USP7: variants seen among roughly 807,000 people sequenced by gnomAD.
USP7 encodes ubiquitin C-terminal hydrolase 7.
A neutral mutation model predicts 162.9 loss-of-function variants in USP7; 9 were observed. That is an observed-to-expected ratio of 0.06 (90% CI 0.03 to 0.10). The LOEUF (loss-of-function observed/expected upper bound fraction) is 0.10, where lower values mean the gene tolerates loss of function less well. Ranked by LOEUF, USP7 falls within the 10% of genes least tolerant of loss-of-function variation. USP7 has a pLI of 1.00. For missense variants in USP7, 715 were observed against 1,373.7 expected (o/e 0.52, Z 7.58); for synonymous variants, 562 against 475.9 (o/e 1.18, Z -2.35).
chr16:8,963,359 C>CGGGGCG lies in USP7; in HGVS notation c.-80_-75dup, dbSNP rs970074003. 8.7e-5 allele frequency: 43 copies of CGGGGCG among 496,342 alleles called. No homozygotes were observed. In the African/African-American group the frequency reaches 9.3e-4, roughly 11 times the overall value. 30.7% of individuals were successfully genotyped at this position (496,342 alleles called of 1,614,324 possible). ...GCCCGGCGGGCGGGCGGCGGCGAGCCGGGGCGGCGGCGGCGGCGGCGGCGG... is the reference window on the plus strand; with the variant it reads ...GCCCGGCGGGCGGGCGGCGGCGAGCCGGGGCGGGGGCGGCGGCGGCGGCGGCGGCGG... On this transcript the variant is annotated 5_prime_UTR_variant, in exon 1 of 31. Transcript: ENST00000344836.
rs145993314 is a variant in USP7 at position 8,894,869 on chromosome 16, G to C, written c.3040-14C>G. 1 of 1,614,194 alleles carries C rather than the reference G, an allele frequency of 6.2e-7. No homozygotes were observed. Among genetic ancestry groups the C allele is most frequent in the Admixed American group, 1.7e-5 (1 of 60,032 alleles). On this transcript the variant is annotated splice_polypyrimidine_tract_variant and intron_variant, in intron 28 of 30. Coordinates refer to ENST00000344836, the MANE Select transcript of USP7 (RefSeq NM_003470.3). ...AAAATGCTCGCCCTAGAATGGCAAA[G>C]GACATGTGCTCACACAGTCACTCCC...
At chr16:8,937,922 C>A (rs1241320740) in intron 1 of USP7, among the ~76,000 whole-genome samples, 2 of 152,080 alleles carry the variant, frequency 1.3e-5, no homozygotes, top group Non-Finnish European at 2.9e-5. Flanking sequence ...AAAATACTGA[C>A]CACGTGAGAA....
chr16:8,921,051 T>C (rs1373446979), intron 4 of USP7, 106 bp downstream of exon 4: 5 of 1,284,294 alleles, frequency 3.9e-6, no homozygotes, highest in African/African-American at 3.0e-5. Flanking sequence ...ATTTAGAAAG[T>C]AAAAATCTGA....
At chr16:8,938,232 C>T (rs1016543897) in intron 1 of USP7, among the ~76,000 whole-genome samples, 1 of 151,870 alleles carries the variant, frequency 6.6e-6, no homozygotes, top group African/African-American at 2.4e-5. Flanking sequence ...AACCTGGATT[C>T]CTGTAGGACT....
intron 10 of USP7, 128 bp from the exon 11 acceptor site, chr16:8,910,955 C>G (rs2061937351): frequency 1.3e-6 from 1 of 755,608 alleles, no homozygotes; most frequent in African/African-American, 1.7e-5. Flanking sequence ...AACAGTAACT[C>G]TCCCCCTGTA....
intron 1 of USP7, among the ~76,000 whole-genome samples, chr16:8,931,572 T>C (rs1259052317): frequency 1.3e-5 from 2 of 152,194 alleles, no homozygotes; most frequent in Admixed American, 6.5e-5. Flanking sequence ...AAGGATAAAA[T>C]TGTTTTACCA....
chr16:8,922,894 C>T (rs1897777981), intron 3 of USP7, among the ~76,000 whole-genome samples: 3 of 152,328 alleles, frequency 2.0e-5, no homozygotes, highest in South Asian at 2.1e-4. Flanking sequence ...GGATGTCTGG[C>T]TCTGACAGCT....
chr16:8,900,507 A>ACAAT (rs2061757953), intron 21 of USP7, 23 bp downstream of exon 21: 2 of 1,535,162 alleles, frequency 1.3e-6, no homozygotes, highest in Non-Finnish European at 1.8e-6. Context: ...ACAAAGTGAT[A>ACAAT]CAATCCTTCA....
intron 6 of USP7, among the ~76,000 whole-genome samples, chr16:8,918,405 G>C (rs1339596391): frequency 6.6e-6 from 1 of 152,142 alleles, no homozygotes; most frequent in Non-Finnish European, 1.5e-5. Flanking sequence ...AAGTTGCATT[G>C]ACTTTTCAAC....
rs1160120969 is a variant in USP7 at position 8,892,978 on chromosome 16, C to CG, written c.*1019dup. ...GCATTAGCTCCAAAATAAAAGGAAA[C>CG]GGGGCTGGGACCGAAATAAAACTAC... On this transcript the variant is annotated 3_prime_UTR_variant, in exon 31 of 31. Transcript: ENST00000344836. 1 of 152,116 alleles carries CG rather than the reference C, an allele frequency of 6.6e-6. No homozygotes were observed. The highest frequency in any genetic ancestry group is 1.5e-5 in the Non-Finnish European group (1 of 68,030). The allele number at this position is 152,116 out of a possible 1,614,324, so 9.4% of individuals were successfully genotyped here.
At chr16:8,960,885 G>A (rs1899979938) in intron 1 of USP7, among the ~76,000 whole-genome samples, 1 of 152,176 alleles carries the variant, frequency 6.6e-6, no homozygotes, top group Non-Finnish European at 1.5e-5. Context: ...GGTACTCACA[G>A]GGCACTATTA....
intron 4 of USP7, 150 bp downstream of exon 4, chr16:8,921,007 C>A: frequency 1.1e-6 from 1 of 897,482 alleles, no homozygotes; most frequent in Non-Finnish European, 1.6e-6. Context: ...AGATACGAAA[C>A]TGGAGAAAAC....
intron 1 of USP7, among the ~76,000 whole-genome samples, chr16:8,956,745 G>A (rs1567250043): frequency 6.7e-6 from 1 of 149,674 alleles, no homozygotes; most frequent in South Asian, 2.1e-4. Flanking sequence ...CCTGGGTAAC[G>A]AATTAAGACT....
intron 1 of USP7, among the ~76,000 whole-genome samples, chr16:8,954,268 CAG>C (rs1244553901): frequency 2.0e-5 from 3 of 152,186 alleles, no homozygotes; most frequent in Admixed American, 2.0e-4. Context: ...CCACTGGAAG[CAG>C]AGGCTTTGAA....
intron 14 of USP7, 125 bp downstream of exon 14, chr16:8,905,062 C>T (rs913019884): frequency 1.2e-5 from 15 of 1,208,516 alleles, no homozygotes; most frequent in South Asian, 5.7e-5. Context: ...CTCATTTCTG[C>T]GCTGCTGTGA....
At chr16:8,912,290 A>G (rs2061959485) in intron 10 of USP7, among the ~76,000 whole-genome samples, 1 of 152,146 alleles carries the variant, frequency 6.6e-6, no homozygotes, top group South Asian at 2.1e-4. Context: ...CGTCTCTACT[A>G]AAAATGCAAA....
intron 1 of USP7, among the ~76,000 whole-genome samples, chr16:8,955,100 G>C (rs995748584): frequency 1.3e-5 from 2 of 152,208 alleles, no homozygotes; most frequent in African/African-American, 4.8e-5. Flanking sequence ...TGAATCTGCA[G>C]TTTCTGCAAT....
chr16:8,934,946 T>C (rs1220929948), intron 1 of USP7, among the ~76,000 whole-genome samples: 1 of 151,358 alleles, frequency 6.6e-6, no homozygotes, highest in Non-Finnish European at 1.5e-5. Flanking sequence ...TAAGACATGG[T>C]AAATCCCTAG....
chr16:8,899,064 A>G (rs934665676), intron 23 of USP7, 57 bp downstream of exon 23: 3 of 1,548,244 alleles, frequency 1.9e-6, no homozygotes, highest in African/African-American at 1.4e-5. Flanking sequence ...AGATGTTTCA[A>G]TGAACTGTGG....
Sources: allele counts gnomAD v4.1 joint callset (sites outside exome capture counted in the v4.1 genomes callset), GRCh38; gene constraint gnomAD v4.1.1; transcripts MANE v1.5; gene names NCBI Gene and HGNC (gene_info 2026-07-23, HGNC 2026-07-21).